Variants in SYNE1 observed in about 807,000 individuals in gnomAD.
SYNE1 encodes the protein spectrin repeat containing nuclear envelope protein 1, also known as nesprin-1.
In SYNE1, 616 loss-of-function variants were observed where a neutral mutation model predicts 1,111.0. That is an observed-to-expected ratio of 0.55 (90% CI 0.52 to 0.59). SYNE1 has a LOEUF of 0.59. Among genes scored for constraint, SYNE1 ranks in the 20% least tolerant of loss-of-function variants. SYNE1 has a pLI of 0.00. For synonymous variants in SYNE1, 3,855 were observed against 3,825.8 expected, an observed-to-expected ratio of 1.01 and a Z score of -0.28; for missense variants, 10,006 against 10,417.0, an observed-to-expected ratio of 0.96 and a Z score of 1.72.
At chr6:152,203,562 C>T (rs1351866221) in intron 126 of SYNE1, among the ~76,000 whole-genome samples, 6 of 152,164 alleles carry the variant, frequency 3.9e-5, no homozygotes, top group Non-Finnish European at 8.8e-5. Flanking sequence ...CATGTTCCAT[C>T]TTCCTTCACA....
rs2250122 is a variant in SYNE1, at chr6:152,122,333, G to T, written c.*103C>A. On this transcript the variant is annotated 3_prime_UTR_variant, in exon 146 of 146. Coordinates refer to ENST00000367255, the MANE Select transcript of SYNE1 (RefSeq NM_182961.4). ...AGGAGGGCTAAAGCTGCCACACCGAGGGCTTTCGCCAAGATCAAGGTCCTC... is the reference window on the plus strand; with the variant it reads ...AGGAGGGCTAAAGCTGCCACACCGATGGCTTTCGCCAAGATCAAGGTCCTC... The T allele has an allele frequency of 0.23, 373,858 of 1,594,380 alleles. 45,760 individuals carry two copies. Among genetic ancestry groups the T allele is most frequent in the South Asian group, 0.34 (30,860 of 90,002 alleles).
At chr6:152,446,450 G>T (rs2098593407) in intron 29 of SYNE1, among the ~76,000 whole-genome samples, 1 of 152,084 alleles carries the variant, frequency 6.6e-6, no homozygotes, top group Non-Finnish European at 1.5e-5. Flanking sequence ...ATCGTAAGCA[G>T]TTCAGAGTAT....
At chr6:152,410,990 T>C (rs1484237153) in intron 42 of SYNE1, among the ~76,000 whole-genome samples, 1 of 152,228 alleles carries the variant, frequency 6.6e-6, no homozygotes, top group Non-Finnish European at 1.5e-5. Flanking sequence ...TTTAATAATA[T>C]GGAATAAAGT....
chr6:152,129,853 A>G (rs2054913041), intron 145 of SYNE1, among the ~76,000 whole-genome samples: 1 of 152,198 alleles, frequency 6.6e-6, no homozygotes, highest in African/African-American at 2.4e-5. Flanking sequence ...CTACTTTAAC[A>G]GTGAATTGCT....
chr6:152,444,407 T>C lies in SYNE1; in HGVS notation c.3837+4A>G, dbSNP rs199567906. On this transcript the variant is annotated splice_donor_region_variant and intron_variant, in intron 30 of 145. Transcript: ENST00000367255. ...ATCTTGTTGGAAGAAAGAGGCATTT[T>C]TACCTGGTGATGAAGAAGTAACTGC... The C allele has an allele frequency of 6.2e-7, 1 of 1,613,652 alleles. No homozygotes were observed. Among genetic ancestry groups the C allele is most frequent in the East Asian group, 2.2e-5 (1 of 44,842 alleles).
At chr6:152,362,083 G>A (rs1056893262) in intron 64 of SYNE1, 87 bp downstream of exon 64, 2 of 1,580,886 alleles carry the variant, frequency 1.3e-6, no homozygotes, top group East Asian at 2.2e-5. Context: ...CACTGCCCTA[G>A]GGTACACGTA....
Position 152,155,031 on chromosome 6 carries a change from G to C in SYNE1, c.23990C>G (p.Thr7997Arg). Reference protein sequence around the residue: ...SMERRLKIEETWRLWQKFLDD... With the variant: ...SMERRLKIEERWRLWQKFLDD... Reference sequence around the variant, plus strand: ...CAGAAATTTCTGCCACAATCGCCACGTCTCTTCGATTCTGGGGCGGAAAAT... The same window carrying C: ...CAGAAATTTCTGCCACAATCGCCACCTCTCTTCGATTCTGGGGCGGAAAAT... The change falls in exon 133 of 146, where the codon ACG becomes AGG. Residue 7997 changes from threonine (T) to arginine (R), a missense_variant. Coordinates refer to ENST00000367255, the MANE Select transcript of SYNE1 (RefSeq NM_182961.4). The C allele has an allele frequency of 6.2e-7, 1 of 1,614,038 alleles. No individual in the cohort carries two copies. Among genetic ancestry groups the C allele is most frequent in the Non-Finnish European group, 8.5e-7 (1 of 1,179,988 alleles).
intron 133 of SYNE1, among the ~76,000 whole-genome samples, chr6:152,153,029 T>C (rs1356762156): frequency 2.6e-5 from 4 of 152,256 alleles, no homozygotes; most frequent in African/African-American, 9.6e-5. Flanking sequence ...GACTGATTTT[T>C]ATCTTGGCAT....
chr6:152,342,514 C>T (rs1441746664), intron 74 of SYNE1, among the ~76,000 whole-genome samples: 1 of 152,168 alleles, frequency 6.6e-6, no homozygotes, highest in Admixed American at 6.5e-5. Flanking sequence ...CATTGAATGA[C>T]AATGTAAATC....
rs899182753 is a variant in SYNE1, at chr6:152,281,898, C to T, written c.18290G>A (p.Ser6097Asn). 1 of 1,614,084 alleles carries T rather than the reference C, an allele frequency of 6.2e-7. No individual in the cohort carries two copies. The highest frequency in any genetic ancestry group is 8.5e-7 in the Non-Finnish European group (1 of 1,180,044). ...RYRCEADELD[S>N]WLLSTKATLD... The stretch of plus-strand genomic sequence containing the variant: ...AGTGGCCTTGGTACTCAAGAGCCAG[C>T]TGTCCAGCTCATCGGCTTCACAGCG... Residue 6097 changes from serine to asparagine, a missense_variant, in exon 97 of 146, where the codon AGC becomes AAC. Around this residue, in one of 7 missense-constraint regions of SYNE1, gnomAD observed 99 missense variants for 147.8 expected, o/e 0.67. Transcript: ENST00000367255.
At chr6:152,346,463 G>C (rs1289039626) in intron 73 of SYNE1, among the ~76,000 whole-genome samples, 1 of 151,948 alleles carries the variant, frequency 6.6e-6, no homozygotes, top group Non-Finnish European at 1.5e-5. Flanking sequence ...CACCATGCCC[G>C]GCCCAAATCA....
intron 54 of SYNE1, among the ~76,000 whole-genome samples, 161 bp from the exon 55 acceptor site, chr6:152,385,999 A>G (rs2097521860): frequency 6.6e-6 from 1 of 152,214 alleles, no homozygotes; most frequent in Non-Finnish European, 1.5e-5. Flanking sequence ...AAACTATCAA[A>G]TTTAACTAAA....
In SYNE1 at chr6:152,318,153, C is replaced by T; in HGVS notation, c.16500G>A (p.Lys5500=). The change falls in exon 86 of 146, where the codon AAG becomes AAA. Residue 5500 remains lysine (K), a synonymous_variant. Transcript: ENST00000367255. Reference sequence around the variant, plus strand: ...GGTGAAGTTCAGTCAGTTTTCCTATCTTCTTGGCCAGTGGCTTACCCAGTT... The same window carrying T: ...GGTGAAGTTCAGTCAGTTTTCCTATTTTCTTGGCCAGTGGCTTACCCAGTT... The part of the protein sequence containing the change: ...NGQLGKPLAK[K]IGKLTELHQQ... 6.2e-7 allele frequency: 1 copy of T among 1,614,186 alleles called. No individual in the cohort carries two copies. Among genetic ancestry groups the T allele is most frequent in the Non-Finnish European group, 8.5e-7 (1 of 1,180,042 alleles).
intron 74 of SYNE1, among the ~76,000 whole-genome samples, chr6:152,340,176 G>A (rs1199992836): frequency 1.3e-5 from 2 of 152,198 alleles, no homozygotes; most frequent in Non-Finnish European, 2.9e-5. Context: ...CTGAGGAAAC[G>A]ACCTGAATGC....
chr6:152,202,531 T>C (rs1423272654), intron 126 of SYNE1, among the ~76,000 whole-genome samples: 4 of 152,058 alleles, frequency 2.6e-5, no homozygotes, highest in Non-Finnish European at 5.9e-5. Context: ...ATGCTCTATG[T>C]TTCCATTTTC....
intron 72 of SYNE1, among the ~76,000 whole-genome samples, chr6:152,348,746 G>GT (rs60424784): frequency 1.7e-3 from 166 of 99,412 alleles, no homozygotes; most frequent in Middle Eastern, 4.7e-3. Context: ...AAGTTCTAGT[G>GT]TTTTTTTTTT....
At chr6:152,367,503 A>C in intron 61 of SYNE1, 121 bp from the exon 62 acceptor site, 1 of 1,113,992 alleles carries the variant, frequency 9.0e-7, no homozygotes, top group Non-Finnish European at 1.4e-6. Flanking sequence ...GATACGAGGC[A>C]AGTCTGGCCT....
chr6:152,202,866 CTG>C (rs2075799854), intron 126 of SYNE1, among the ~76,000 whole-genome samples: 2 of 151,988 alleles, frequency 1.3e-5, no homozygotes. Context: ...CTTGTTCATG[CTG>C]AAACATATGT....
intron 74 of SYNE1, 33 bp downstream of exon 74, chr6:152,344,048 C>A (rs1297343966): frequency 6.2e-7 from 1 of 1,613,910 alleles, no homozygotes; most frequent in Admixed American, 1.7e-5. Context: ...GAATGATTCA[C>A]AAGAATAACA....
Sources: gnomAD v4.1 joint callset for allele counts (sites outside exome capture counted in the v4.1 genomes callset) on GRCh38, gnomAD v4.1.1 for gene constraint, gnomAD v4.1.1 regional missense constraint, MANE v1.5 for transcripts, NCBI Gene and HGNC (gene_info 2026-07-23, HGNC 2026-07-21) for gene names.